Variants in ALDH18A1 observed in about 807,000 individuals in gnomAD.
ALDH18A1 encodes aldehyde dehydrogenase 18 family member A1.
A neutral mutation model predicts 88.8 loss-of-function variants in ALDH18A1; 44 were observed. That is an observed-to-expected ratio of 0.50 (90% CI 0.39 to 0.64). ALDH18A1 has a LOEUF of 0.64. ALDH18A1 is among the 30% of genes least tolerant of loss of function. The pLI is 0.00. For synonymous variants in ALDH18A1, 331 were observed against 372.1 expected, an observed-to-expected ratio of 0.89 and a Z score of 1.27; for missense variants, 782 against 1,009.5, an observed-to-expected ratio of 0.77 and a Z score of 3.05.
chr10:95,613,242 A>G (rs1182687458), intron 15 of ALDH18A1, among the ~76,000 whole-genome samples: 1 of 152,242 alleles, frequency 6.6e-6, no homozygotes, highest in African/African-American at 2.4e-5. Flanking sequence ...CCTTAACAAT[A>G]TAGTAAAAAC....
At chr10:95,621,727 T>C (rs539870710) in intron 11 of ALDH18A1, among the ~76,000 whole-genome samples, 1 of 152,268 alleles carries the variant, frequency 6.6e-6, no homozygotes, top group African/African-American at 2.4e-5. Context: ...TGGTAGTACA[T>C]AGCATCATGT....
At chr10:95,639,280 T>C (rs2097886914) in intron 3 of ALDH18A1, among the ~76,000 whole-genome samples, 1 of 151,998 alleles carries the variant, frequency 6.6e-6, no homozygotes, top group African/African-American at 2.4e-5. Flanking sequence ...CAGTGAACTA[T>C]GATTACACCA....
At chr10:95,615,580 G>A in intron 13 of ALDH18A1, among the ~76,000 whole-genome samples, 1 of 152,134 alleles carries the variant, frequency 6.6e-6, no homozygotes, top group Admixed American at 6.5e-5. Flanking sequence ...GAAAAGGAGG[G>A]AGGGCACCTG....
In ALDH18A1 at chr10:95,628,103, G is replaced by T. The variant is rs59306353; in HGVS notation, c.933+265C>A. ...GATAAATGAGAGATTTATGAATTATGAAAAATATATAGGCCCTGCCCTTGC... is the reference window on the plus strand; with the variant it reads ...GATAAATGAGAGATTTATGAATTATTAAAAATATATAGGCCCTGCCCTTGC... On this transcript the variant is annotated intron_variant, in intron 8 of 17. Transcript: ENST00000371224. Among the ~76,000 whole-genome samples, 126 of 152,276 alleles carry T rather than the reference G, an allele frequency of 8.3e-4. No homozygotes were observed. In the East Asian group the frequency reaches 0.024, roughly 28 times the overall value.
intron 7 of ALDH18A1, 176 bp from the exon 8 acceptor site, chr10:95,628,668 CA>C: frequency 1.5e-6 from 1 of 677,680 alleles, no homozygotes; most frequent in Non-Finnish European, 2.5e-6. Flanking sequence ...CAAACATCTC[CA>C]GGAAGACTCA....
chr10:95,635,531 T>G (rs1566029034), intron 5 of ALDH18A1, among the ~76,000 whole-genome samples: 1 of 152,180 alleles, frequency 6.6e-6, no homozygotes, highest in Non-Finnish European at 1.5e-5. Flanking sequence ...AACCACCTAC[T>G]GGAAATTTTC....
intron 17 of ALDH18A1, among the ~76,000 whole-genome samples, chr10:95,608,413 C>T (rs2097826814): frequency 2.0e-5 from 3 of 152,196 alleles, no homozygotes; most frequent in African/African-American, 7.2e-5. Flanking sequence ...GTTAAATTCC[C>T]TTTCATAACC....
At chr10:95,629,178 A>G (rs1487262460) in intron 7 of ALDH18A1, among the ~76,000 whole-genome samples, 4 of 152,218 alleles carry the variant, frequency 2.6e-5, no homozygotes, top group African/African-American at 9.6e-5. Context: ...TCACTTTGAA[A>G]AAGAGTAAGT....
Position 95,628,357 on chromosome 10 carries a change from C to T in ALDH18A1, c.933+11G>A, listed in dbSNP as rs747981401. On this transcript the variant is annotated intron_variant, in intron 8 of 17. Transcript: ENST00000371224. ...AAATTGTTATAGGCAGTTAAGGCAC[C>T]AGATTCTTACCTTGGCTTCCATGCC... 6.2e-7 allele frequency: 1 copy of T among 1,614,082 alleles called. No individual in the cohort carries two copies. The highest frequency in any genetic ancestry group is 1.1e-5 in the South Asian group (1 of 91,076).
At chr10:95,628,699 C>T (rs2097863878) in intron 7 of ALDH18A1, 3 of 585,928 alleles carry the variant, frequency 5.1e-6, no homozygotes, top group Non-Finnish European at 9.0e-6. Context: ...ATTTCTATAA[C>T]CTGGCTTAAT....
chr10:95,621,016 G>T lies in ALDH18A1; in HGVS notation c.1467+15C>A, dbSNP rs374652686. The T allele has an allele frequency of 1.9e-6, 3 of 1,611,284 alleles. No homozygotes were observed. The highest frequency in any genetic ancestry group is 2.7e-5 in the African/African-American group (2 of 74,732). On this transcript the variant is annotated intron_variant, in intron 12 of 17. Transcript: ENST00000371224. ...CCAATGGCAGGGTATTTATTCTCCC[G>T]GGGTATATACACACCTGGGGTAGAC...
rs771584878 is a variant in ALDH18A1, at chr10:95,610,202, C to T, written c.2201G>A (p.Gly734Glu). The T allele has an allele frequency of 6.2e-7, 1 of 1,614,012 alleles. No homozygotes were observed. The highest frequency in any genetic ancestry group is 1.7e-5 in the Admixed American group (1 of 60,014). Residue 734 changes from glycine to glutamate, a missense_variant, in exon 17 of 18, where the codon GGA (glycine) becomes GAA (glutamate). Gly to Glu is a moderately conservative substitution (Grantham distance 98, BLOSUM62 -2). Around this residue, in one of 3 missense-constraint regions of ALDH18A1, gnomAD observed 556 missense variants for 654.5 expected, o/e 0.85. Transcript: ENST00000371224. Reference protein sequence around the residue: ...STRFSDGYRFGLGAEVGISTS... With the variant: ...STRFSDGYRFELGAEVGISTS... ...CCAACCAGAGTCTTTCTTACCCAGT[C>T]CAAAGCGGTAACCATCAGAAAAGCG...
chr10:95,637,798 A>G (rs1248951696), intron 3 of ALDH18A1, among the ~76,000 whole-genome samples: 1 of 152,090 alleles, frequency 6.6e-6, no homozygotes, highest in African/African-American at 2.4e-5. Flanking sequence ...GCAAGACCCA[A>G]TCTCTACAAA....
chr10:95,629,330 T>C (rs2097864788), intron 7 of ALDH18A1, among the ~76,000 whole-genome samples: 1 of 152,206 alleles, frequency 6.6e-6, no homozygotes, highest in South Asian at 2.1e-4. Flanking sequence ...CTCAAGTTAC[T>C]GCTTTTCCTG....
chr10:95,643,301 C>T (rs1444238840), intron 2 of ALDH18A1, 95 bp from the exon 3 acceptor site: 3 of 1,220,186 alleles, frequency 2.5e-6, no homozygotes, highest in East Asian at 2.4e-5. Context: ...AGTTTAGATA[C>T]CAAAAAATAG....
At chr10:95,654,592 T>C (rs1284857115) in intron 1 of ALDH18A1, among the ~76,000 whole-genome samples, 3 of 151,726 alleles carry the variant, frequency 2.0e-5, no homozygotes, top group Non-Finnish European at 4.4e-5. Context: ...AGCCCCATAG[T>C]GAAGAAAAAT....
intron 7 of ALDH18A1, chr10:95,628,715 A>G: frequency 1.8e-6 from 1 of 542,604 alleles, no homozygotes; most frequent in Non-Finnish European, 3.3e-6. Flanking sequence ...TTAATAAATA[A>G]ATGTTTCCCA....
rs121434582 is a variant in ALDH18A1 at position 95,643,044 on chromosome 10, C to T, written c.251G>A (p.Arg84Gln). 21 of 1,613,856 alleles carry T rather than the reference C, an allele frequency of 1.3e-5. No homozygotes were observed. The highest frequency in any genetic ancestry group is 1.7e-4 in the Middle Eastern group (1 of 6,032). ...VVKLGSAVVTRGDECGLALGR... is the reference protein window; with the variant it reads ...VVKLGSAVVTQGDECGLALGR... ...CAGGGCCAGGCCACATTCATCCCCT[C>T]GGGTCACCACGGCACTGCCGAGCTT... Residue 84 changes from arginine (R) to glutamine (Q), a missense_variant, in exon 3 of 18, where the codon CGA becomes CAA. Transcript: ENST00000371224.
chr10:95,618,568 C>G (rs1412186266), intron 12 of ALDH18A1, among the ~76,000 whole-genome samples: 1 of 152,180 alleles, frequency 6.6e-6, no homozygotes, highest in African/African-American at 2.4e-5. Flanking sequence ...CCTGCCTGGG[C>G]CTCCCAAAGT....
Sources: gnomAD v4.1 joint callset for allele counts (sites outside exome capture counted in the v4.1 genomes callset) on GRCh38, gnomAD v4.1.1 for gene constraint, gnomAD v4.1.1 regional missense constraint, MANE v1.5 for transcripts, NCBI Gene and HGNC (gene_info 2026-07-23, HGNC 2026-07-21) for gene names.